Variants in MYBPC3 observed in about 807,000 individuals in gnomAD.
MYBPC3 encodes myosin-binding protein C, cardiac-type.
A neutral mutation model predicts 159.3 loss-of-function variants in MYBPC3; 108 were observed. That is an observed-to-expected ratio of 0.68 (90% CI 0.58 to 0.80). The LOEUF (loss-of-function observed/expected upper bound fraction) is 0.80. Ranked by LOEUF, MYBPC3 falls within the 30% of genes least tolerant of loss-of-function variation. The pLI is 0.00. For missense variants in MYBPC3, 1,631 were observed against 1,762.1 expected (o/e 0.93, Z 1.33); for synonymous variants, 730 against 702.0 (o/e 1.04, Z -0.63).
In MYBPC3 at chr11:47,338,562, G is replaced by C. The variant is rs1182126415; in HGVS notation, c.2266C>G (p.Pro756Ala). 2.5e-6 allele frequency: 4 copies of C among 1,614,008 alleles called. No homozygotes were observed. Among genetic ancestry groups the C allele is most frequent in the Admixed American group, 1.7e-5 (1 of 60,020 alleles). Residue 756 changes from proline (P) to alanine (A), a missense_variant, in exon 23 of 35, where the codon CCT becomes GCT. Transcript: ENST00000545968. This position sits in a 1 kb window ranked among gnomAD's most constrained non-coding sequence, Gnocchi z 4.7. ...AGGTTGACCTGGTCCTCGCCCACAG[G>C]GTTCTTCACTGTGACCGTGTAGACG... ...EGVYTVTVKNPVGEDQVNLTV... is the reference protein window; with the variant it reads ...EGVYTVTVKNAVGEDQVNLTV...
chr11:47,332,365 G>C lies in MYBPC3; in HGVS notation c.3628-107C>G. On this transcript the variant is annotated intron_variant, in intron 32 of 34. Coordinates refer to ENST00000545968, the MANE Select transcript of MYBPC3 (RefSeq NM_000256.3). The surrounding 1 kb of genome is among the most constrained non-coding windows in gnomAD (Gnocchi z 4.2). ...TTTCTACTCGGGGGGTCCCACGAGA[G>C]TCCCTGACTATGCCCAAGGCTGGAA... 3 of 1,448,410 alleles carry C rather than the reference G, an allele frequency of 2.1e-6. No homozygotes were observed. 89.7% of individuals were successfully genotyped at this position (1,448,410 alleles called of 1,614,324 possible).
chr11:47,334,341 C>T (rs1595842181), intron 27 of MYBPC3, among the ~76,000 whole-genome samples: 1 of 152,212 alleles, frequency 6.6e-6, no homozygotes, highest in East Asian at 1.9e-4. Flanking sequence ...AGTTTGCTGC[C>T]TCGTTCCAGC....
In MYBPC3 at chr11:47,332,098, C is replaced by T. The variant is rs781180230; in HGVS notation, c.3788G>A (p.Arg1263Gln). 6 of 1,611,994 alleles carry T rather than the reference C, an allele frequency of 3.7e-6. No individual in the cohort carries two copies. Among genetic ancestry groups the T allele is most frequent in the African/African-American group, 2.7e-5 (2 of 74,902 alleles). Reference protein sequence around the residue: ...CRATNLQGEARCECRLEVRVP... With the variant: ...CRATNLQGEAQCECRLEVRVP... ...TCGCACCTCCAGGCGGCACTCACACCGTGCCTCGCCCTGTAAGTTGGTGGC... is the reference window on the plus strand; with the variant it reads ...TCGCACCTCCAGGCGGCACTCACACTGTGCCTCGCCCTGTAAGTTGGTGGC... Residue 1263 changes from arginine to glutamine, a missense_variant, in exon 33 of 35, where the codon CGG becomes CAG. Coordinates refer to ENST00000545968, the MANE Select transcript of MYBPC3 (RefSeq NM_000256.3). This position sits in a 1 kb window ranked among gnomAD's most constrained non-coding sequence, Gnocchi z 4.2.
Position 47,341,211 on chromosome 11 carries a change from A to T in MYBPC3, c.1824T>A (p.Pro608=). Residue 608 remains proline, a synonymous_variant, in exon 19 of 35, where the codon CCT becomes CCA. Transcript: ENST00000545968. The stretch of plus-strand genomic sequence containing the variant: ...CAAAGCTGTAGTCAGCCTCGTCGGC[A>T]GGTGTGACGTCGTCAATGGTCAGTT... ...VHKLTIDDVT[P]ADEADYSFVP... is the part of the protein sequence containing the mutation. 6.3e-7 allele frequency: 1 copy of T among 1,597,928 alleles called. No homozygotes were observed. Among genetic ancestry groups the T allele is most frequent in the African/African-American group, 1.3e-5 (1 of 74,672 alleles).
chr11:47,347,559 G>T, intron 8 of MYBPC3, 80 bp from the exon 9 acceptor site: 7 of 1,559,482 alleles, frequency 4.5e-6, no homozygotes, highest in Non-Finnish European at 6.1e-6. Context: ...GAGTGGGGAG[G>T]GAGAAAGGGA....
At position 47,339,308 on chromosome 11, in the gene MYBPC3, C is replaced by T; in HGVS notation, c.2148+16G>A. ...GAAAGACAAACGAGCCTCCTCCTGA[C>T]CTCAGTCTCACTCACCTTCTTGTCA... On this transcript the variant is annotated intron_variant, in intron 22 of 34. Transcript: ENST00000545968. The T allele has an allele frequency of 6.2e-7, 1 of 1,613,500 alleles. No homozygotes were observed. The highest frequency in any genetic ancestry group is 8.5e-7 in the Non-Finnish European group (1 of 1,179,384).
intron 12 of MYBPC3, among the ~76,000 whole-genome samples, chr11:47,344,108 C>T (rs2095892006): frequency 1.3e-5 from 2 of 152,198 alleles, no homozygotes; most frequent in Non-Finnish European, 2.9e-5. Context: ...ATGTGTCAAC[C>T]CACCTCCTTG....
chr11:47,341,781 T>C (rs746158504), intron 18 of MYBPC3, among the ~76,000 whole-genome samples: 1 of 152,226 alleles, frequency 6.6e-6, no homozygotes, highest in African/African-American at 2.4e-5. Flanking sequence ...TCTGTCTCTA[T>C]AGAACTATTT....
chr11:47,350,697 T>C, intron 2 of MYBPC3, 82 bp from the exon 3 acceptor site: 30 of 1,389,544 alleles, frequency 2.2e-5, no homozygotes, highest in Non-Finnish European at 2.5e-5. Context: ...ATTGGACCCA[T>C]GAGCCCGCTG....
rs145375791 is a variant in MYBPC3 at position 47,340,120 on chromosome 11, T to TACAC, written c.1928-334_1928-331dup. On this transcript the variant is annotated intron_variant, in intron 20 of 34. Transcript: ENST00000545968. ...GCCACACACATACACACACACACAA[T>TACAC]ACACACACACACACGCATATACACA... Among the ~76,000 whole-genome samples, 472 of 149,560 alleles carry TACAC rather than the reference T, an allele frequency of 3.2e-3. 2 individuals carry two copies. Among genetic ancestry groups the TACAC allele is most frequent in the African/African-American group, 6.3e-3 (253 of 40,378 alleles).
chr11:47,332,892 G>C lies in MYBPC3; in HGVS notation c.3412C>G (p.Arg1138Gly). Residue 1138 changes from arginine to glycine, a missense_variant, in exon 31 of 35, where the codon CGC becomes GGC. Arg to Gly is a moderately radical substitution (Grantham distance 125). Coordinates refer to ENST00000545968, the MANE Select transcript of MYBPC3 (RefSeq NM_000256.3). The surrounding 1 kb of genome is among the most constrained non-coding windows in gnomAD (Gnocchi z 4.2). Reference protein sequence around the residue: ...ELIIGNGYYFRVFSQNMVGFS... With the variant: ...ELIIGNGYYFGVFSQNMVGFS... ...CCAACCATATTCTGGCTGAAGACGC[G>C]GAAGTAGTAGCCATTGCCAATGATG... 1 of 1,608,188 alleles carries C rather than the reference G, an allele frequency of 6.2e-7. No homozygotes were observed. The highest frequency in any genetic ancestry group is 1.3e-5 in the African/African-American group (1 of 74,948).
rs2095883729 is a variant in MYBPC3 at position 47,337,548 on chromosome 11, GCTCTTCTTCT to G, written c.2435_2444del (p.Lys812ThrfsTer7). On this transcript the variant is annotated frameshift_variant, in exon 25 of 35. Transcript: ENST00000545968. LOFTEE classifies it high-confidence loss of function. The stretch of plus-strand genomic sequence containing the variant: ...CGAAGTTCAGCCGCATCCACCGGTA[GCTCTTCTTCT>G]TCTTGCGCTCCAGGATGTAGCCTGG... 1 of 1,613,892 alleles carries G rather than the reference GCTCTTCTTCT, an allele frequency of 6.2e-7. No homozygotes were observed. Among genetic ancestry groups the G allele is most frequent in the Admixed American group, 1.7e-5 (1 of 60,006 alleles).
intron 25 of MYBPC3, among the ~76,000 whole-genome samples, chr11:47,336,681 G>A (rs2095882645): frequency 6.6e-6 from 1 of 152,084 alleles, no homozygotes; most frequent in Non-Finnish European, 1.5e-5. Context: ...CCATCCCTGG[G>A]CCCAGGGGTC....
intron 5 of MYBPC3, among the ~76,000 whole-genome samples, chr11:47,349,038 T>C (rs1332540844): frequency 6.6e-6 from 1 of 150,662 alleles, no homozygotes; most frequent in Non-Finnish European, 1.5e-5. Context: ...AAACCCATGA[T>C]TGCCATCTGC....
rs1595844241 is a variant in MYBPC3 at position 47,338,543 on chromosome 11, A to T, written c.2285T>A (p.Val762Asp). The part of the protein sequence containing the change: ...TVKNPVGEDQ[V>D]NLTVKVIDVP... ...ACCGATGACCTTGACTGTGAGGTTG[A>T]CCTGGTCCTCGCCCACAGGGTTCTT... Residue 762 changes from valine (V) to aspartate (D), a missense_variant, in exon 23 of 35, where the codon GTC becomes GAC. Transcript: ENST00000545968. The surrounding 1 kb of genome is among the most constrained non-coding windows in gnomAD (Gnocchi z 4.7). 1.3e-5 allele frequency: 21 copies of T among 1,613,970 alleles called. No individual in the cohort carries two copies. In the East Asian group the frequency reaches 4.7e-4, roughly 36 times the overall value.
At chr11:47,342,500 T>A in intron 17 of MYBPC3, 78 bp downstream of exon 17, 2 of 1,432,384 alleles carry the variant, frequency 1.4e-6, no homozygotes, top group African/African-American at 1.4e-5. Flanking sequence ...GTTTGCCTGC[T>A]CCCCTACAGG....
At position 47,333,791 on chromosome 11, in the gene MYBPC3, T is replaced by C. The variant is rs530376375; in HGVS notation, c.2995-39A>G. ...AAGCTTAACCCTGAACCTGGATCAC[T>C]CCAAGGGCCGGCCGCCACCCCAGCC... On this transcript the variant is annotated intron_variant, in intron 28 of 34. Transcript: ENST00000545968. The C allele has an allele frequency of 3.2e-5, 50 of 1,565,310 alleles. No individual in the cohort carries two copies. The East Asian group carries it at 1.1e-3, about 36-fold the overall frequency.
chr11:47,346,980 C>T lies in MYBPC3; in HGVS notation c.908+47G>A, dbSNP rs749848460. The T allele has an allele frequency of 1.3e-6, 1 of 770,488 alleles. No homozygotes were observed. The highest frequency in any genetic ancestry group is 2.4e-6 in the Non-Finnish European group (1 of 421,956). 47.7% of individuals were successfully genotyped at this position (770,488 alleles called of 1,614,324 possible). A position where few individuals can be genotyped will look rare whatever the true frequency, so the allele number is the denominator to read the frequency against. On this transcript the variant is annotated intron_variant, in intron 10 of 34. Transcript: ENST00000545968. The surrounding 1 kb of genome is among the most constrained non-coding windows in gnomAD (Gnocchi z 5.3). Reference sequence around the variant, plus strand: ...AGAGGGGACGGGAATCCCCTCTGCACCCACCAGCGCCCTGCCGCCCCCAAA... The same window carrying T: ...AGAGGGGACGGGAATCCCCTCTGCATCCACCAGCGCCCTGCCGCCCCCAAA...
At chr11:47,340,359 C>A (rs1343555574) in intron 20 of MYBPC3, among the ~76,000 whole-genome samples, 1 of 152,202 alleles carries the variant, frequency 6.6e-6, no homozygotes. Flanking sequence ...CAGGAATCTG[C>A]CCTCAGTTAA....
Sources: allele counts gnomAD v4.1 joint callset (sites outside exome capture counted in the v4.1 genomes callset), GRCh38; gene constraint gnomAD v4.1.1; non-coding constraint Gnocchi (gnomAD v3.1); transcripts MANE v1.5; gene names NCBI Gene and HGNC (gene_info 2026-07-23, HGNC 2026-07-21).